The following UTP4 variants were observed in gnomAD, a reference collection of about 807,000 sequenced individuals.
UTP4 encodes the protein UTP4 small subunit processome component.
In UTP4, 45 loss-of-function variants were observed where a neutral mutation model predicts 82.4. That is an observed-to-expected ratio of 0.55 (90% CI 0.43 to 0.70). The LOEUF (loss-of-function observed/expected upper bound fraction) is 0.70. Ranked by LOEUF, UTP4 falls within the 30% of genes least tolerant of loss-of-function variation. The pLI is 0.00. For missense variants in UTP4, 819 were observed against 858.3 expected, an observed-to-expected ratio of 0.95 and a Z score of 0.57; for synonymous variants, 348 against 300.3, an observed-to-expected ratio of 1.16 and a Z score of -1.64.
At chr16:69,150,958 C>A in intron 8 of UTP4, 54 bp downstream of exon 8, 3 of 1,353,852 alleles carry the variant, frequency 2.2e-6, no homozygotes, top group Non-Finnish European at 3.2e-6. Context: ...TCCCTGTGTC[C>A]CCCTGTCCCA....
rs1246423763 is a variant in UTP4, at chr16:69,167,199, T to C, written c.1944+14T>C. 1 of 1,523,096 alleles carries C rather than the reference T, an allele frequency of 6.6e-7. No homozygotes were observed. The highest frequency in any genetic ancestry group is 9.1e-7 in the Non-Finnish European group (1 of 1,097,442). 94.3% of individuals were successfully genotyped at this position (1,523,096 alleles called of 1,614,324 possible). On this transcript the variant is annotated intron_variant, in intron 16 of 16. Transcript: ENST00000314423. ...AAGATATATAAGGTAAAACATCTTG[T>C]GTTGTTATTCTGGATAGTTGGTTCC... is the stretch of plus-strand genomic sequence containing the variant.
intron 16 of UTP4, 39 bp downstream of exon 16, chr16:69,167,224 C>G (rs1963724734): frequency 1.6e-6 from 2 of 1,276,600 alleles, no homozygotes; most frequent in Non-Finnish European, 2.3e-6. Context: ...TAGTTGGTTC[C>G]TTTGTGATAC....
intron 6 of UTP4, 105 bp from the exon 7 acceptor site, chr16:69,150,432 G>T: frequency 8.1e-7 from 1 of 1,231,540 alleles, no homozygotes; most frequent in Non-Finnish European, 1.2e-6. Context: ...ACTGATTCTG[G>T]GCATAGGTTT....
intron 13 of UTP4, among the ~76,000 whole-genome samples, chr16:69,162,112 T>C (rs71397903): frequency 0.32 from 48,171 of 151,512 alleles, 8,183 homozygotes; most frequent in African/African-American, 0.43. Context: ...GGATTACAGG[T>C]GCACGCCACC....
At chr16:69,152,473 T>C (rs1455526339) in intron 8 of UTP4, among the ~76,000 whole-genome samples, 1 of 142,220 alleles carries the variant, frequency 7.0e-6, no homozygotes, top group African/African-American at 2.8e-5. Context: ...TCTTTTTTTT[T>C]TTTTTTTTTT....
In UTP4 at chr16:69,165,372, A is replaced by T; in HGVS notation, c.1679A>T (p.Tyr560Phe). 1 of 1,614,126 alleles carries T rather than the reference A, an allele frequency of 6.2e-7. No individual in the cohort carries two copies. The highest frequency in any genetic ancestry group is 8.5e-7 in the Non-Finnish European group (1 of 1,180,018). The stretch of plus-strand genomic sequence containing the variant: ...GAGTACAGCATCCCAGACAAACAGT[A>T]TACAGATTGGAGCCGGACTGTCCAG... ...VFEYSIPDKQ[Y>F]TDWSRTVQKQ... Residue 560 changes from tyrosine (Y) to phenylalanine (F), a missense_variant, in exon 15 of 17, where the codon TAT (tyrosine) becomes TTT (phenylalanine). Transcript: ENST00000314423.
At chr16:69,168,754 C>T (rs1274807423) in intron 16 of UTP4, 67 bp from the exon 17 acceptor site, 1 of 954,758 alleles carries the variant, frequency 1.0e-6, no homozygotes, top group South Asian at 1.3e-5. Flanking sequence ...TGTCTACCTA[C>T]AGTCAGTTCT....
chr16:69,167,065 G>GT lies in UTP4; in HGVS notation c.1834-3dup, dbSNP rs747226414. 3 of 1,591,164 alleles carry GT rather than the reference G, an allele frequency of 1.9e-6. No homozygotes were observed. The highest frequency in any genetic ancestry group is 2.6e-6 in the Non-Finnish European group (3 of 1,159,276). ...GTAACCATTTAAACAATGTGTCTTT[G>GT]TTTTTTTAGCCCCTTCCAAATGACA... On this transcript the variant is annotated splice_polypyrimidine_tract_variant and intron_variant, in intron 15 of 16. Transcript: ENST00000314423.
At chr16:69,168,431 CTCAAAAAAAAAA>C (rs1375119802) in intron 16 of UTP4, among the ~76,000 whole-genome samples, 1 of 96,416 alleles carries the variant, frequency 1.0e-5, no homozygotes, top group Non-Finnish European at 2.0e-5. Flanking sequence ...GCGAGACTGT[CTCAAAAAAAAAA>C]AAAAAAAAAA....
intron 15 of UTP4, 58 bp from the exon 16 acceptor site, chr16:69,167,017 T>C (rs2152284845): frequency 1.8e-6 from 2 of 1,141,194 alleles, no homozygotes; most frequent in Admixed American, 3.4e-5. Flanking sequence ...TACAGATCTT[T>C]GGTCTGCAGA....
chr16:69,142,634 C>T (rs377094882), intron 5 of UTP4, among the ~76,000 whole-genome samples: 1 of 152,134 alleles, frequency 6.6e-6, no homozygotes, highest in South Asian at 2.1e-4. Context: ...TCCTCTCTGC[C>T]GACCTGGGAC....
chr16:69,145,370 C>T (rs1963081328), intron 6 of UTP4, among the ~76,000 whole-genome samples: 1 of 151,864 alleles, frequency 6.6e-6, no homozygotes, highest in Non-Finnish European at 1.5e-5. Flanking sequence ...AAGCGATTCT[C>T]CTGACTCAGC....
At chr16:69,168,039 CCTTG>C in intron 16 of UTP4, among the ~76,000 whole-genome samples, 1 of 151,724 alleles carries the variant, frequency 6.6e-6, no homozygotes, top group Non-Finnish European at 1.5e-5. Flanking sequence ...GCTTTAAAGT[CCTTG>C]CTTAACATTG....
chr16:69,168,836 G>A lies in UTP4; in HGVS notation c.1960G>A (p.Asp654Asn), dbSNP rs1379088805. ...CCCTCTGCAGCCTCTACTCTTCATGGATCTTTTGGATGAAAGAACACTCGT... is the reference window on the plus strand; with the variant it reads ...CCCTCTGCAGCCTCTACTCTTCATGAATCTTTTGGATGAAAGAACACTCGT... ...SKIYKPLLFM[D>N]LLDERTLVAV... The change falls in exon 17 of 17, where the codon GAT becomes AAT. Residue 654 changes from aspartate to asparagine, a missense_variant. Transcript: ENST00000314423. 1.2e-6 allele frequency: 2 copies of A among 1,611,398 alleles called. No individual in the cohort carries two copies. The highest frequency in any genetic ancestry group is 3.3e-5 in the Admixed American group (2 of 59,992).
intron 2 of UTP4, among the ~76,000 whole-genome samples, chr16:69,135,126 C>T (rs1340072042): frequency 6.6e-6 from 1 of 151,148 alleles, no homozygotes; most frequent in Non-Finnish European, 1.5e-5. Flanking sequence ...TTCTTCCATG[C>T]TGAACTTCCA....
At chr16:69,160,795 C>T (rs1963544990) in intron 13 of UTP4, among the ~76,000 whole-genome samples, 2 of 151,922 alleles carry the variant, frequency 1.3e-5, no homozygotes, top group Admixed American at 1.3e-4. Flanking sequence ...AGGGTTTCAC[C>T]GTGTTGCTCA....
chr16:69,165,594 A>G (rs113067362), intron 15 of UTP4, 68 bp downstream of exon 15: 1 of 1,299,686 alleles, frequency 7.7e-7, no homozygotes, highest in Non-Finnish European at 1.1e-6. Context: ...AACAAGTACA[A>G]TAAGGTAAGA....
rs1368241712 is a variant in UTP4 at position 69,154,470 on chromosome 16, G to A, written c.1164+13G>A. The stretch of plus-strand genomic sequence containing the variant: ...CCTAAAGACAAAGGTAAGGAAGTTT[G>A]TTTAGGCTCTGAATTCTAGAGCCTG... On this transcript the variant is annotated intron_variant, in intron 10 of 16. Coordinates refer to ENST00000314423, the MANE Select transcript of UTP4 (RefSeq NM_032830.3). The A allele has an allele frequency of 6.3e-7, 1 of 1,597,318 alleles. No homozygotes were observed. Among genetic ancestry groups the A allele is most frequent in the Admixed American group, 1.7e-5 (1 of 59,962 alleles).
At chr16:69,166,045 A>C (rs1963694560) in intron 15 of UTP4, 1 of 186,322 alleles carries the variant, frequency 5.4e-6, no homozygotes, top group Admixed American at 5.4e-5. Context: ...CAGCTAGGAA[A>C]ATTCTTCATG....
Sources: gnomAD v4.1 joint callset for allele counts (sites outside exome capture counted in the v4.1 genomes callset) on GRCh38, gnomAD v4.1.1 for gene constraint, MANE v1.5 for transcripts, NCBI Gene and HGNC (gene_info 2026-07-23, HGNC 2026-07-21) for gene names.